The following ADGRB3 variants were observed in gnomAD, a reference collection of about 807,000 sequenced individuals.
The protein encoded by ADGRB3 is adhesion G protein-coupled receptor B3.
Under a neutral mutation model 193.4 loss-of-function variants are expected in ADGRB3, and 37 were observed. That is an observed-to-expected ratio of 0.19 (90% CI 0.15 to 0.25). ADGRB3 has a LOEUF of 0.25. ADGRB3 is among the 10% of genes least tolerant of loss of function. The pLI, the probability that ADGRB3 is intolerant of heterozygous loss-of-function variation, is 1.00. For synonymous variants in ADGRB3, 690 were observed against 644.2 expected (o/e 1.07, Z -1.08); for missense variants, 1,637 against 1,852.9 (o/e 0.88, Z 2.14).
chr6:69,300,728 A>G (rs779206328), intron 20 of ADGRB3, among the ~76,000 whole-genome samples: 16 of 151,828 alleles, frequency 1.1e-4, no homozygotes, highest in South Asian at 2.1e-4. Flanking sequence ...AGCTACAAAT[A>G]TTAACAAAAT....
chr6:68,854,379 G>T (rs1489580213), intron 3 of ADGRB3, among the ~76,000 whole-genome samples: 1 of 152,124 alleles, frequency 6.6e-6, no homozygotes, highest in African/African-American at 2.4e-5. Context: ...TGCTAAGAAG[G>T]TGGATGTATT....
At chr6:68,944,691 C>A (rs1767729980) in intron 6 of ADGRB3, among the ~76,000 whole-genome samples, 1 of 151,964 alleles carries the variant, frequency 6.6e-6, no homozygotes, top group African/African-American at 2.4e-5. Context: ...TTAGTTTATT[C>A]CAACATCAAA....
rs139926057 is a variant in ADGRB3 at position 69,228,807 on chromosome 6, T to C, written c.2481-4483T>C. ...AACAGATTACAATAAAAGTTTAGCA[T>C]TAAAATTCACCTGGAAATGAAAAAC... is the stretch of plus-strand genomic sequence containing the variant. On this transcript the variant is annotated intron_variant, in intron 17 of 31. Coordinates refer to ENST00000370598, the MANE Select transcript of ADGRB3 (RefSeq NM_001704.3). Among the ~76,000 whole-genome samples the C allele has an allele frequency of 7.2e-3, 1,097 of 152,294 alleles. 7 individuals carry two copies. The highest frequency in any genetic ancestry group is 0.011 in the Non-Finnish European group (730 of 68,002).
At chr6:69,183,357 T>A (rs953813919) in intron 17 of ADGRB3, among the ~76,000 whole-genome samples, 1 of 152,124 alleles carries the variant, frequency 6.6e-6, no homozygotes, top group African/African-American at 2.4e-5. Context: ...ACTTTCCCTT[T>A]TGTTATAAGT....
chr6:69,239,028 T>C, intron 19 of ADGRB3, 96 bp from the exon 20 acceptor site: 1 of 584,198 alleles, frequency 1.7e-6, no homozygotes, highest in South Asian at 3.3e-5. Flanking sequence ...CTACAGTACT[T>C]ATTTTTCCAG....
At chr6:68,906,008 T>A (rs534343222) in intron 3 of ADGRB3, among the ~76,000 whole-genome samples, 2 of 152,214 alleles carry the variant, frequency 1.3e-5, no homozygotes, top group South Asian at 2.1e-4. Context: ...TTGTGGATAA[T>A]CTTCAAAAGA....
At chr6:68,898,472 A>G (rs2078330849) in intron 3 of ADGRB3, among the ~76,000 whole-genome samples, 1 of 152,124 alleles carries the variant, frequency 6.6e-6, no homozygotes, top group Non-Finnish European at 1.5e-5. Flanking sequence ...AGTTTTCCTT[A>G]ATCCAGGCAA....
intron 17 of ADGRB3, among the ~76,000 whole-genome samples, chr6:69,105,612 A>G (rs1395530756): frequency 6.6e-6 from 1 of 152,176 alleles, no homozygotes; most frequent in East Asian, 1.9e-4. Flanking sequence ...CAGGGCTAGT[A>G]TTGCTTCTCA....
chr6:68,713,619 C>T (rs1765440431), intron 3 of ADGRB3, among the ~76,000 whole-genome samples: 1 of 151,398 alleles, frequency 6.6e-6, no homozygotes, highest in Non-Finnish European at 1.5e-5. Context: ...TGTTATTTTT[C>T]CAGTGGTACC....
At chr6:68,992,830 G>A (rs970931410) in intron 10 of ADGRB3, among the ~76,000 whole-genome samples, 1 of 151,976 alleles carries the variant, frequency 6.6e-6, no homozygotes, top group African/African-American at 2.4e-5. Context: ...GTTCTTGATG[G>A]GAAATTGGTA....
chr6:68,672,219 T>G (rs1021541301), intron 3 of ADGRB3, among the ~76,000 whole-genome samples: 19 of 152,036 alleles, frequency 1.2e-4, no homozygotes, highest in Non-Finnish European at 2.8e-4. Context: ...ACTTTATGTT[T>G]GCTTGATCTT....
At chr6:69,231,160 T>C (rs1766126320) in intron 17 of ADGRB3, among the ~76,000 whole-genome samples, 1 of 152,168 alleles carries the variant, frequency 6.6e-6, no homozygotes, top group Non-Finnish European at 1.5e-5. Context: ...TCTAAACATG[T>C]CATATAAAAT....
intron 3 of ADGRB3, among the ~76,000 whole-genome samples, chr6:68,833,482 T>C (rs1222030645): frequency 6.6e-6 from 1 of 151,312 alleles, no homozygotes; most frequent in East Asian, 2.0e-4. Context: ...ATCGAATCAT[T>C]GAACTAAAAT....
At chr6:68,723,154 T>A (rs1276634662) in intron 3 of ADGRB3, among the ~76,000 whole-genome samples, 1 of 151,816 alleles carries the variant, frequency 6.6e-6, no homozygotes, top group Non-Finnish European at 1.5e-5. Flanking sequence ...TTCATGTAAT[T>A]TATTTATGAA....
chr6:69,356,682 C>G (rs1007784550), intron 28 of ADGRB3, among the ~76,000 whole-genome samples: 1 of 151,976 alleles, frequency 6.6e-6, no homozygotes, highest in African/African-American at 2.4e-5. Flanking sequence ...TTATCAAGTA[C>G]GGAATATGGG....
At chr6:69,010,142 A>G (rs1386878489) in intron 11 of ADGRB3, among the ~76,000 whole-genome samples, 1 of 152,114 alleles carries the variant, frequency 6.6e-6, no homozygotes, top group African/African-American at 2.4e-5. Flanking sequence ...CGGCAAAGAA[A>G]GAATGATCAT....
At chr6:69,106,045 G>A (rs1773201755) in intron 17 of ADGRB3, among the ~76,000 whole-genome samples, 1 of 151,204 alleles carries the variant, frequency 6.6e-6, no homozygotes, top group Non-Finnish European at 1.5e-5. Flanking sequence ...CTGAGGCATG[G>A]GAGTCTAAGA....
At chr6:68,874,465 T>C (rs1316320599) in intron 3 of ADGRB3, among the ~76,000 whole-genome samples, 1 of 152,168 alleles carries the variant, frequency 6.6e-6, no homozygotes, top group Non-Finnish European at 1.5e-5. Flanking sequence ...TTAGTGTGGC[T>C]GACACTCTGG....
chr6:69,066,510 A>G (rs1771915783), intron 16 of ADGRB3, among the ~76,000 whole-genome samples: 1 of 152,120 alleles, frequency 6.6e-6, no homozygotes, highest in Non-Finnish European at 1.5e-5. Context: ...TATGTTAAAT[A>G]TAATAAGGCT....
Sources: allele counts gnomAD v4.1 joint callset (sites outside exome capture counted in the v4.1 genomes callset), GRCh38; gene constraint gnomAD v4.1.1; transcripts MANE v1.5; gene names NCBI Gene and HGNC (gene_info 2026-07-23, HGNC 2026-07-21).